The following DLG2 variants were observed in gnomAD, a reference collection of about 807,000 sequenced individuals.
DLG2 encodes discs large MAGUK scaffold protein 2, also known as disks large homolog 2.
Under a neutral mutation model 132.5 loss-of-function variants are expected in DLG2, and 45 were observed. The observed-to-expected ratio is 0.34, with a 90% CI of 0.27 to 0.44. DLG2 has a LOEUF of 0.44. Ranked by LOEUF, DLG2 falls within the 20% of genes least tolerant of loss-of-function variation. The pLI, the probability that DLG2 is intolerant of heterozygous loss-of-function variation, is 1.00. For synonymous variants in DLG2, 424 were observed against 419.6 expected (o/e 1.01, Z -0.13); for missense variants, 1,045 against 1,196.9 (o/e 0.87, Z 1.87).
intron 6 of DLG2, among the ~76,000 whole-genome samples, chr11:84,668,669 C>T (rs960649132): frequency 1.2e-4 from 18 of 152,094 alleles, no homozygotes; most frequent in East Asian, 7.7e-4. Context: ...TGGTTTCTAG[C>T]GTGTCTTTCT....
chr11:84,379,052 T>C (rs1211160594), intron 7 of DLG2, among the ~76,000 whole-genome samples: 2 of 151,612 alleles, frequency 1.3e-5, no homozygotes, highest in Non-Finnish European at 2.9e-5. Context: ...ATACACATTA[T>C]TTCTTTTGAA....
At chr11:84,484,756 ACT>A (rs975705821) in intron 7 of DLG2, among the ~76,000 whole-genome samples, 24 of 152,144 alleles carry the variant, frequency 1.6e-4, no homozygotes, top group African/African-American at 4.6e-4. Context: ...CAAAAAGGAA[ACT>A]CTCCCATTTG....
chr11:84,095,278 T>C (rs1175969914), intron 10 of DLG2, among the ~76,000 whole-genome samples: 2 of 152,194 alleles, frequency 1.3e-5, no homozygotes, highest in Non-Finnish European at 2.9e-5. Flanking sequence ...GCACCAATTA[T>C]GTGCCTGCCA....
intron 4 of DLG2, among the ~76,000 whole-genome samples, chr11:85,221,495 T>C (rs1045474387): frequency 6.6e-6 from 1 of 152,240 alleles, no homozygotes; most frequent in African/African-American, 2.4e-5. Context: ...TCTACATGTC[T>C]GCACTATAAC....
chr11:84,221,763 T>C (rs1164210793), intron 8 of DLG2, among the ~76,000 whole-genome samples: 1 of 152,174 alleles, frequency 6.6e-6, no homozygotes. Flanking sequence ...CTCTCTTTGC[T>C]TATCCACAGT....
intron 8 of DLG2, among the ~76,000 whole-genome samples, chr11:84,243,939 A>G (rs1355273273): frequency 1.1e-4 from 16 of 152,220 alleles, no homozygotes; most frequent in African/African-American, 3.9e-4. Context: ...TATTATTCCT[A>G]TTTTATATAT....
At chr11:84,835,339 G>T (rs559126804) in intron 6 of DLG2, among the ~76,000 whole-genome samples, 2 of 151,694 alleles carry the variant, frequency 1.3e-5, no homozygotes, top group East Asian at 3.9e-4. Context: ...TAATCTTCCT[G>T]TGTTTGCTTT....
chr11:83,568,766 CTA>C (rs1182370003), intron 19 of DLG2, among the ~76,000 whole-genome samples: 3 of 152,124 alleles, frequency 2.0e-5, no homozygotes, highest in African/African-American at 7.2e-5. Context: ...ATAGATAATT[CTA>C]TCTCTCATCC....
chr11:84,107,607 G>C (rs1641994675), intron 9 of DLG2, among the ~76,000 whole-genome samples: 1 of 152,014 alleles, frequency 6.6e-6, no homozygotes, highest in South Asian at 2.1e-4. Context: ...GTTCGCTTTT[G>C]ACACAGCATA....
chr11:84,638,448 T>G (rs996048230), intron 6 of DLG2, among the ~76,000 whole-genome samples: 1 of 152,186 alleles, frequency 6.6e-6, no homozygotes, highest in Admixed American at 6.5e-5. Context: ...TAGGTGACAG[T>G]CCCATTTTTG....
intron 18 of DLG2, among the ~76,000 whole-genome samples, chr11:83,728,656 G>C (rs1356778869): frequency 1.3e-5 from 2 of 152,194 alleles, no homozygotes; most frequent in Non-Finnish European, 2.9e-5. Flanking sequence ...ACTCACAAAG[G>C]ACTTTGCACA....
At chr11:84,819,614 C>A (rs1841699373) in intron 6 of DLG2, among the ~76,000 whole-genome samples, 1 of 151,858 alleles carries the variant, frequency 6.6e-6, no homozygotes, top group South Asian at 2.1e-4. Context: ...ATTCACTCTT[C>A]AAATCCAGAT....
intron 18 of DLG2, among the ~76,000 whole-genome samples, chr11:83,667,662 T>A (rs2075878044): frequency 6.6e-6 from 1 of 152,064 alleles, no homozygotes; most frequent in African/African-American, 2.4e-5. Context: ...TTGGTCTAGG[T>A]CTTGCTACTA....
At chr11:84,571,176 CTTATT>C (rs2099482767) in intron 6 of DLG2, among the ~76,000 whole-genome samples, 1 of 152,028 alleles carries the variant, frequency 6.6e-6, no homozygotes, top group African/African-American at 2.4e-5. Flanking sequence ...TATGCTGTTT[CTTATT>C]TTGAACAGTT....
At chr11:84,891,257 T>C (rs964332193) in intron 6 of DLG2, among the ~76,000 whole-genome samples, 2 of 152,164 alleles carry the variant, frequency 1.3e-5, no homozygotes, top group Non-Finnish European at 2.9e-5. Flanking sequence ...CATATGTATG[T>C]ATTAGAAAAA....
At chr11:83,851,863 C>T (rs1384398983) in intron 16 of DLG2, among the ~76,000 whole-genome samples, 1 of 150,984 alleles carries the variant, frequency 6.6e-6, no homozygotes, top group Non-Finnish European at 1.5e-5. Context: ...AGATTGCAGT[C>T]AGCCAAGATC....
chr11:84,378,558 T>C (rs1438836627), intron 7 of DLG2, among the ~76,000 whole-genome samples: 2 of 152,084 alleles, frequency 1.3e-5, no homozygotes, highest in Admixed American at 6.6e-5. Context: ...AAATCTCGCC[T>C]GAGAATTTGT....
intron 6 of DLG2, among the ~76,000 whole-genome samples, chr11:85,068,871 T>C (rs1284174355): frequency 6.6e-6 from 1 of 152,098 alleles, no homozygotes; most frequent in Non-Finnish European, 1.5e-5. Context: ...AGAACAAAGC[T>C]GGAGGCATCA....
At chr11:85,469,705 C>T (rs2092920962) in intron 3 of DLG2, 2 of 152,222 alleles carry the variant, frequency 1.3e-5, no homozygotes, top group African/African-American at 4.8e-5. Flanking sequence ...CAGTGATCTA[C>T]TTCGCCATTT....
Sources: allele counts gnomAD v4.1 joint callset (sites outside exome capture counted in the v4.1 genomes callset), GRCh38; gene constraint gnomAD v4.1.1; transcripts MANE v1.5; gene names NCBI Gene and HGNC (gene_info 2026-07-23, HGNC 2026-07-21).